Variants in CTSB observed in about 807,000 individuals in gnomAD.
CTSB encodes APP secretase.
A neutral mutation model predicts 44.3 loss-of-function variants in CTSB; 57 were observed. That is an observed-to-expected ratio of 1.29 (90% CI 1.04 to 1.60). The LOEUF (loss-of-function observed/expected upper bound fraction) is 1.60, where lower values mean the gene tolerates loss of function less well. Among genes scored for constraint, CTSB ranks in the 40% most tolerant of loss-of-function variants. The probability of loss-of-function intolerance (pLI) is 0.00; values close to 1 mark genes in which losing one functional copy is unlikely to be tolerated. For missense variants in CTSB, 768 were observed against 443.0 expected, an observed-to-expected ratio of 1.73 and a Z score of -6.59; for synonymous variants, 320 against 168.0, an observed-to-expected ratio of 1.91 and a Z score of -7.00.
At chr8:11,848,917 C>CT (rs1813979377) in intron 5 of CTSB, 129 bp downstream of exon 5, 3 of 652,258 alleles carry the variant, frequency 4.6e-6, no homozygotes, top group Non-Finnish European at 8.0e-6. Context: ...CTGCCAGACT[C>CT]TCGGAGTCTC....
Position 11,845,017 on chromosome 8 carries a change from A to C in CTSB, c.*108T>G. On this transcript the variant is annotated 3_prime_UTR_variant, in exon 10 of 10. Transcript: ENST00000353047. ...GACAGGTCTGATGTTTGGCCAATCC[A>C]GTCCTTCAGACCCTGTCTGAAACTT... The C allele has an allele frequency of 2.7e-6, 2 of 748,100 alleles. No individual in the cohort carries two copies. The highest frequency in any genetic ancestry group is 2.1e-5 in the Admixed American group (1 of 46,548). The allele number at this position is 748,100 out of a possible 1,614,324, so 46.3% of individuals were successfully genotyped here. A position where few individuals can be genotyped will look rare whatever the true frequency, so the allele number is the denominator to read the frequency against.
At chr8:11,851,116 A>G (rs1814516137) in intron 3 of CTSB, 136 bp from the exon 4 acceptor site, 1 of 378,504 alleles carries the variant, frequency 2.6e-6, no homozygotes. Flanking sequence ...GGCTGCAGAC[A>G]GGTGTCCTTG....
chr8:11,848,502 A>G (rs892012302), intron 5 of CTSB: 5 of 392,476 alleles, frequency 1.3e-5, no homozygotes, highest in South Asian at 6.5e-5. Context: ...AAACACCACC[A>G]GTTCTCTGAA....
intron 1 of CTSB, among the ~76,000 whole-genome samples, chr8:11,855,691 C>A (rs907411448): frequency 6.6e-6 from 1 of 152,074 alleles, no homozygotes; most frequent in Non-Finnish European, 1.5e-5. Context: ...ATGGAACCAG[C>A]ATAATAGAAA....
At chr8:11,853,690 C>T (rs1815019281) in intron 1 of CTSB, 4 of 492,566 alleles carry the variant, frequency 8.1e-6, no homozygotes, top group Non-Finnish European at 1.4e-5. Flanking sequence ...GGCCAGGCGG[C>T]CAGAGCCCAG....
intron 4 of CTSB, among the ~76,000 whole-genome samples, chr8:11,850,221 C>T (rs984188795): frequency 6.6e-6 from 1 of 151,906 alleles, no homozygotes; most frequent in Non-Finnish European, 1.5e-5. Context: ...GCGTTTGAGA[C>T]CAGGCTGTCC....
Position 11,844,953 on chromosome 8 carries a change from C to T in CTSB, c.*172G>A. On this transcript the variant is annotated 3_prime_UTR_variant, in exon 10 of 10. Coordinates refer to ENST00000353047, the MANE Select transcript of CTSB (RefSeq NM_001908.5). ...TCACATGGCCTGTCTGCACTGTAAC[C>T]ACAGGCTGGGATGTAGCCAGGACTT... The T allele has an allele frequency of 1.6e-6, 1 of 609,734 alleles. No homozygotes were observed. The highest frequency in any genetic ancestry group is 2.9e-6 in the Non-Finnish European group (1 of 340,740). The allele number at this position is 609,734 out of a possible 1,614,324, so 37.8% of individuals were successfully genotyped here. A position where few individuals can be genotyped will look rare whatever the true frequency, so the allele number is the denominator to read the frequency against.
intron 1 of CTSB, among the ~76,000 whole-genome samples, chr8:11,865,963 G>A (rs1205453293): frequency 6.8e-6 from 1 of 146,734 alleles, no homozygotes; most frequent in Non-Finnish European, 1.5e-5. Flanking sequence ...AGGTGGCAGT[G>A]AACCGAGATC....
intron 2 of CTSB, 46 bp from the exon 3 acceptor site, chr8:11,852,741 G>T: frequency 6.4e-7 from 1 of 1,563,406 alleles, no homozygotes; most frequent in Non-Finnish European, 8.8e-7. Context: ...CGGGATGGCG[G>T]TGGATGGGCA....
intron 3 of CTSB, among the ~76,000 whole-genome samples, chr8:11,851,966 C>T (rs559097534): frequency 6.6e-6 from 1 of 152,338 alleles, no homozygotes; most frequent in East Asian, 1.9e-4. Context: ...CATACTTGGC[C>T]TCATCTGGCT....
At chr8:11,856,573 A>C (rs974655854) in intron 1 of CTSB, among the ~76,000 whole-genome samples, 2 of 152,236 alleles carry the variant, frequency 1.3e-5, no homozygotes, top group Non-Finnish European at 2.9e-5. Context: ...TGGACGACAG[A>C]TTGAGACTTC....
At position 11,842,593 on chromosome 8, in the gene CTSB, A is replaced by T. The variant is rs552678623; in HGVS notation, c.*2532T>A. On this transcript the variant is annotated 3_prime_UTR_variant, in exon 10 of 10. Coordinates refer to ENST00000353047, the MANE Select transcript of CTSB (RefSeq NM_001908.5). ...CTTGAAACTGGAAGGATAAGTGGTT[A>T]TGAATTTGTGGCTTATGGTAACCTT... 19 of 152,168 alleles carry T rather than the reference A, an allele frequency of 1.2e-4. No individual in the cohort carries two copies. The highest frequency in any genetic ancestry group is 4.3e-4 in the African/African-American group (18 of 41,522). 9.4% of individuals were successfully genotyped at this position (152,168 alleles called of 1,614,324 possible).
chr8:11,849,709 T>TAG (rs1814197028), intron 4 of CTSB: 3 of 152,528 alleles, frequency 2.0e-5, no homozygotes, highest in African/African-American at 4.8e-5. Context: ...GCCTCTATAG[T>TAG]AGCTGGGATT....
chr8:11,858,833 G>A (rs1330516304), intron 1 of CTSB, among the ~76,000 whole-genome samples: 3 of 152,126 alleles, frequency 2.0e-5, no homozygotes, highest in African/African-American at 2.4e-5. Context: ...AGCTTTCCAG[G>A]GTCTTTGCAT....
At position 11,843,207 on chromosome 8, in the gene CTSB, A is replaced by C. The variant is rs1812578258; in HGVS notation, c.*1918T>G. On this transcript the variant is annotated 3_prime_UTR_variant, in exon 10 of 10. Coordinates refer to ENST00000353047, the MANE Select transcript of CTSB (RefSeq NM_001908.5). ...TGTCATCCTCCCACCTTGGCCTCCCAAAGTGCTGGGATTACAGGCGTGAGC... is the reference window on the plus strand; with the variant it reads ...TGTCATCCTCCCACCTTGGCCTCCCCAAGTGCTGGGATTACAGGCGTGAGC... 1 of 152,296 alleles carries C rather than the reference A, an allele frequency of 6.6e-6. No individual in the cohort carries two copies. The highest frequency in any genetic ancestry group is 1.5e-5 in the Non-Finnish European group (1 of 68,122). The allele number at this position is 152,296 out of a possible 1,614,324, so 9.4% of individuals were successfully genotyped here. A position where few individuals can be genotyped will look rare whatever the true frequency, so the allele number is the denominator to read the frequency against.
At chr8:11,847,871 A>AAGCCCCAGCTAGGCGAGGC (rs3215434) in intron 6 of CTSB, 49 bp from the exon 7 acceptor site, 11 of 1,555,122 alleles carry the variant, frequency 7.1e-6, no homozygotes, top group Middle Eastern at 1.7e-4. Flanking sequence ...CCCCACGGAG[A>AAGCCCCAGCTAGGCGAGGC]AGACCTGGGG....
intron 6 of CTSB, 32 bp downstream of exon 6, chr8:11,848,035 T>G (rs1586101750): frequency 6.5e-7 from 1 of 1,543,064 alleles, no homozygotes; most frequent in Non-Finnish European, 8.9e-7. Context: ...ACAATCCATC[T>G]GGCCAGAAAG....
intron 1 of CTSB, among the ~76,000 whole-genome samples, chr8:11,857,531 C>T (rs1340570620): frequency 6.6e-6 from 1 of 152,092 alleles, no homozygotes; most frequent in African/African-American, 2.4e-5. Flanking sequence ...GGGAGCGTTT[C>T]CATGGCAACT....
chr8:11,848,727 A>T (rs1437516066), intron 5 of CTSB: 2 of 310,172 alleles, frequency 6.4e-6, no homozygotes, highest in Non-Finnish European at 1.3e-5. Flanking sequence ...AAATGCCCCA[A>T]ACTGGTTCCC....
Sources: gnomAD v4.1 joint callset for allele counts (sites outside exome capture counted in the v4.1 genomes callset) on GRCh38, gnomAD v4.1.1 for gene constraint, MANE v1.5 for transcripts, NCBI Gene and HGNC (gene_info 2026-07-23, HGNC 2026-07-21) for gene names.